Variants in BTBD9 observed in about 807,000 individuals in gnomAD.
BTBD9 encodes BTB domain containing 9.
Under a neutral mutation model 64.3 loss-of-function variants are expected in BTBD9, and 49 were observed. That is an observed-to-expected ratio of 0.76 (90% CI 0.61 to 0.97). The LOEUF (loss-of-function observed/expected upper bound fraction) is 0.97, where lower values mean the gene tolerates loss of function less well. Ranked by LOEUF, BTBD9 falls within the 50% of genes least tolerant of loss-of-function variation. The pLI, the probability that BTBD9 is intolerant of heterozygous loss-of-function variation, is 0.00. For missense variants in BTBD9, 598 were observed against 762.1 expected (o/e 0.78, Z 2.53); for synonymous variants, 260 against 274.7 (o/e 0.95, Z 0.53).
chr6:38,544,184 T>A (rs534307013), intron 6 of BTBD9, among the ~76,000 whole-genome samples: 1 of 152,278 alleles, frequency 6.6e-6, no homozygotes, highest in Non-Finnish European at 1.5e-5. Context: ...AGTATTCACC[T>A]CATATTAGGT....
At chr6:38,434,261 C>T (rs965380328) in intron 6 of BTBD9, among the ~76,000 whole-genome samples, 4 of 151,892 alleles carry the variant, frequency 2.6e-5, no homozygotes, top group Non-Finnish European at 5.9e-5. Context: ...AGTCTAGCAC[C>T]TTTTAAAGGT....
intron 6 of BTBD9, among the ~76,000 whole-genome samples, chr6:38,429,543 T>C (rs1768347324): frequency 6.6e-6 from 1 of 151,882 alleles, no homozygotes; most frequent in African/African-American, 2.4e-5. Context: ...ACTTAAATGT[T>C]AACCTATCCT....
At chr6:38,216,212 G>C (rs1170997152) in intron 9 of BTBD9, among the ~76,000 whole-genome samples, 1 of 152,238 alleles carries the variant, frequency 6.6e-6, no homozygotes, top group Non-Finnish European at 1.5e-5. Context: ...CCTCTACTCT[G>C]AGTGATGGCT....
At chr6:38,190,119 C>T (rs1197708505) in intron 10 of BTBD9, among the ~76,000 whole-genome samples, 1 of 151,988 alleles carries the variant, frequency 6.6e-6, no homozygotes, top group Non-Finnish European at 1.5e-5. Flanking sequence ...GCTTATTGTG[C>T]CTTTTTTTGT....
At chr6:38,203,993 T>TA (rs1008849033) in intron 9 of BTBD9, among the ~76,000 whole-genome samples, 1 of 152,078 alleles carries the variant, frequency 6.6e-6, no homozygotes, top group Non-Finnish European at 1.5e-5. Context: ...TCTATGCATG[T>TA]AAAAAGCATT....
chr6:38,291,961 CT>C (rs1487685205), intron 7 of BTBD9, among the ~76,000 whole-genome samples: 12 of 145,994 alleles, frequency 8.2e-5, no homozygotes. Flanking sequence ...TTTCTTTTTT[CT>C]TTCTTTTTTT....
intron 7 of BTBD9, among the ~76,000 whole-genome samples, chr6:38,318,972 T>C (rs1180301169): frequency 6.6e-6 from 1 of 152,202 alleles, no homozygotes; most frequent in African/African-American, 2.4e-5. Context: ...ACGCTGGCAG[T>C]GAAACCACAG....
chr6:38,277,396 T>C (rs4711528), intron 8 of BTBD9, among the ~76,000 whole-genome samples: 106,889 of 151,528 alleles, frequency 0.71, 38,394 homozygotes, highest in African/African-American at 0.83. Context: ...TGCAGGGGCG[T>C]GATCTCGGCT....
chr6:38,304,110 T>C (rs900492694), intron 7 of BTBD9, among the ~76,000 whole-genome samples: 3 of 151,702 alleles, frequency 2.0e-5, no homozygotes, highest in African/African-American at 7.3e-5. Flanking sequence ...TGTATGTATA[T>C]ATATCAGTGA....
chr6:38,256,373 T>G (rs1764578513), intron 9 of BTBD9, 36 bp downstream of exon 9: 1 of 1,488,234 alleles, frequency 6.7e-7, no homozygotes, highest in African/African-American at 1.4e-5. Flanking sequence ...GACTGTCTTT[T>G]CAATAGGAAT....
Position 38,309,955 on chromosome 6 carries a change from T to C in BTBD9, c.1265-21494A>G, listed in dbSNP as rs1762768383. On this transcript the variant is annotated intron_variant, in intron 7 of 10. Coordinates refer to ENST00000481247, the MANE Select transcript of BTBD9 (RefSeq NM_001099272.2). ...ATCTGTGGCAAGTATGCTCCTACAA[T>C]CCCACTTTGGCAGAATCTTCCTGCC... Among the ~76,000 whole-genome samples the C allele has an allele frequency of 2.6e-5, 4 of 152,176 alleles. No individual in the cohort carries two copies. The South Asian group carries it at 8.3e-4, about 32-fold the overall frequency.
At chr6:38,625,133 T>C (rs1429708888) in intron 1 of BTBD9, among the ~76,000 whole-genome samples, 2 of 152,158 alleles carry the variant, frequency 1.3e-5, no homozygotes, top group Non-Finnish European at 2.9e-5. Context: ...TCTAATTCAT[T>C]TCCCAACTCA....
rs528409346 is a variant in BTBD9, at chr6:38,565,603, A to T, written c.1154+11997T>A. On this transcript the variant is annotated intron_variant, in intron 6 of 10. Transcript: ENST00000481247. ...TTTACAAATAATGAAAAATCTGCAT[A>T]AAACAAATGAGACCATGATTTGCTT... 2.0e-5 allele frequency among the ~76,000 whole-genome samples: 3 copies of T among 152,352 alleles called. No homozygotes were observed. The South Asian group carries it at 6.2e-4, about 32-fold the overall frequency.
In BTBD9 at chr6:38,593,973, G is replaced by C; in HGVS notation, c.540C>G (p.Ser180=). 2 of 1,611,934 alleles carry C rather than the reference G, an allele frequency of 1.2e-6. No individual in the cohort carries two copies. The highest frequency in any genetic ancestry group is 2.2e-5 in the South Asian group (2 of 90,560). The change falls in exon 3 of 11, where the codon TCC becomes TCG. Residue 180 remains serine (S), a synonymous_variant. Coordinates refer to ENST00000481247, the MANE Select transcript of BTBD9 (RefSeq NM_001099272.2). ...QEVLSSEGFL[S]LSKTALLNIV... is the part of the protein sequence containing the mutation. ...TAGACAAATGACACACCTTAGAAAG[G>C]GAGAGGAAACCTTCACTTGAGAGGA...
chr6:38,560,248 G>T (rs1775209096), intron 6 of BTBD9, among the ~76,000 whole-genome samples: 1 of 151,940 alleles, frequency 6.6e-6, no homozygotes, highest in South Asian at 2.1e-4. Context: ...TTAAAAAGTG[G>T]GCAAAGGACA....
intron 1 of BTBD9, among the ~76,000 whole-genome samples, chr6:38,633,387 T>C (rs940661170): frequency 6.6e-6 from 1 of 152,226 alleles, no homozygotes; most frequent in African/African-American, 2.4e-5. Flanking sequence ...ATGGAGATAA[T>C]GTCAAATTGA....
At chr6:38,506,618 A>G (rs1419975536) in intron 6 of BTBD9, among the ~76,000 whole-genome samples, 1 of 152,252 alleles carries the variant, frequency 6.6e-6, no homozygotes, top group Non-Finnish European at 1.5e-5. Flanking sequence ...GAACCATTGT[A>G]AACTGGAGAC....
At chr6:38,182,199 A>T (rs571753261) in intron 10 of BTBD9, among the ~76,000 whole-genome samples, 1 of 152,164 alleles carries the variant, frequency 6.6e-6, no homozygotes, top group Non-Finnish European at 1.5e-5. Context: ...TCATTTTCTC[A>T]TATTCACATA....
chr6:38,538,637 C>A (rs754387822), intron 6 of BTBD9, among the ~76,000 whole-genome samples: 1 of 152,058 alleles, frequency 6.6e-6, no homozygotes, highest in African/African-American at 2.4e-5. Flanking sequence ...CCCCCGCCCC[C>A]CAAAAGAGAC....
Sources: allele counts gnomAD v4.1 joint callset (sites outside exome capture counted in the v4.1 genomes callset), GRCh38; gene constraint gnomAD v4.1.1; transcripts MANE v1.5; gene names NCBI Gene and HGNC (gene_info 2026-07-23, HGNC 2026-07-21).